Variants in GAB4 observed in about 807,000 individuals in gnomAD.
GAB4 encodes the protein GRB2-associated-binding protein 4.
In GAB4, 26 loss-of-function variants were observed where a neutral mutation model predicts 51.3. That is an observed-to-expected ratio of 0.51 (90% CI 0.37 to 0.70). The LOEUF (loss-of-function observed/expected upper bound fraction) is 0.70. Ranked by LOEUF, GAB4 falls within the 30% of genes least tolerant of loss-of-function variation. GAB4 has a pLI of 0.00. For synonymous variants in GAB4, 329 were observed against 291.2 expected, an observed-to-expected ratio of 1.13 and a Z score of -1.32; for missense variants, 759 against 734.6, an observed-to-expected ratio of 1.03 and a Z score of -0.38.
chr22:16,999,051 A>G (rs1366703910), intron 1 of GAB4, among the ~76,000 whole-genome samples: 1 of 152,184 alleles, frequency 6.6e-6, no homozygotes, highest in Non-Finnish European at 1.5e-5. Flanking sequence ...CCACTATTTT[A>G]TTGAGCATTT....
chr22:17,005,147 G>A lies in GAB4; in HGVS notation c.174+2794C>T, dbSNP rs186095829. Among the ~76,000 whole-genome samples, 697 of 152,316 alleles carry A rather than the reference G, an allele frequency of 4.6e-3. 10 individuals carry two copies. The highest frequency in any genetic ancestry group is 0.016 in the African/African-American group (648 of 41,576). On this transcript the variant is annotated intron_variant, in intron 1 of 9. Coordinates refer to ENST00000400588, the MANE Select transcript of GAB4 (RefSeq NM_001037814.1). ...CTCCTGAAGCTGGTAAGCAACTTCA[G>A]TAAAGTCTCAGGATACAAAATCCAT...
At chr22:17,007,802 T>C in intron 1 of GAB4, 139 bp downstream of exon 1, 1 of 717,504 alleles carries the variant, frequency 1.4e-6, no homozygotes, top group Non-Finnish European at 2.2e-6. Flanking sequence ...TGGCGGGGAG[T>C]CGCCTTCGCA....
intron 3 of GAB4, among the ~76,000 whole-genome samples, chr22:16,974,966 T>C (rs1266552442): frequency 1.3e-5 from 2 of 152,174 alleles, no homozygotes; most frequent in African/African-American, 2.4e-5. Flanking sequence ...CTGTGAGGAA[T>C]GGTGCATTCT....
chr22:16,993,195 T>C (rs562446931), intron 1 of GAB4, among the ~76,000 whole-genome samples: 1 of 152,194 alleles, frequency 6.6e-6, no homozygotes, highest in Non-Finnish European at 1.5e-5. Context: ...GATAAAAGAC[T>C]ACCCATGGTA....
rs147245949 is a variant in GAB4, at chr22:16,996,878, T to C, written c.175-4702A>G. Among the ~76,000 whole-genome samples, 3 of 145,224 alleles carry C rather than the reference T, an allele frequency of 2.1e-5. No homozygotes were observed. In the South Asian group the frequency reaches 6.7e-4, roughly 32 times the overall value. On this transcript the variant is annotated intron_variant, in intron 1 of 9. Transcript: ENST00000400588. ...AACCTGTGTCCAAGTGTTCTCATTGTTCAATTCCCACCTATGAGTGAGAAC... is the reference window on the plus strand; with the variant it reads ...AACCTGTGTCCAAGTGTTCTCATTGCTCAATTCCCACCTATGAGTGAGAAC...
At chr22:16,998,957 T>G (rs573048574) in intron 1 of GAB4, among the ~76,000 whole-genome samples, 7 of 152,352 alleles carry the variant, frequency 4.6e-5, no homozygotes, top group African/African-American at 1.4e-4. Context: ...GATGTGTGTA[T>G]GTTGAACCAG....
intron 1 of GAB4, among the ~76,000 whole-genome samples, chr22:17,004,662 T>C (rs573011985): frequency 6.6e-6 from 1 of 151,912 alleles, no homozygotes; most frequent in South Asian, 2.1e-4. Context: ...AAACTAAGTA[T>C]TGATGGAACG....
rs887158961 is a variant in GAB4, at chr22:16,968,295, C to T, written c.1023+3G>A. On this transcript the variant is annotated splice_donor_region_variant and intron_variant, in intron 5 of 9. Transcript: ENST00000400588. ...TGGGGACCCCTGGTTAAGCCATACT[C>T]ACCAGGAAAGAACAGACTCCCTCAT... 1 of 1,609,456 alleles carries T rather than the reference C, an allele frequency of 6.2e-7. No individual in the cohort carries two copies. The highest frequency in any genetic ancestry group is 8.5e-7 in the Non-Finnish European group (1 of 1,175,828).
chr22:16,962,539 C>T lies in GAB4; in HGVS notation c.*194G>A. The T allele has an allele frequency of 2.3e-6, 1 of 437,866 alleles. No homozygotes were observed. Among genetic ancestry groups the T allele is most frequent in the South Asian group, 7.0e-5 (1 of 14,314 alleles). The allele number at this position is 437,866 out of a possible 1,614,324, so 27.1% of individuals were successfully genotyped here. A position where few individuals can be genotyped will look rare whatever the true frequency, so the allele number is the denominator to read the frequency against. On this transcript the variant is annotated 3_prime_UTR_variant, in exon 10 of 10. Coordinates refer to ENST00000400588, the MANE Select transcript of GAB4 (RefSeq NM_001037814.1). ...TGAGGATGCTTGCTGGCAACTGCTC[C>T]TAGCAAGGGGGTGAAGGTGGGGACC... is the stretch of plus-strand genomic sequence containing the variant.
At position 16,970,319 on chromosome 22, in the gene GAB4, T is replaced by C. The variant is rs192168474; in HGVS notation, c.687-126A>G. ...ATGGAGAAAACACAGGAAGAGGAAT[T>C]GGGCAGACCTGAGGTTTGTCTAGTT... On this transcript the variant is annotated intron_variant, in intron 3 of 9. Transcript: ENST00000400588. 5 of 1,033,148 alleles carry C rather than the reference T, an allele frequency of 4.8e-6. No homozygotes were observed. In the Admixed American group the frequency reaches 9.4e-5, roughly 20 times the overall value. The allele number at this position is 1,033,148 out of a possible 1,614,324, so 64.0% of individuals were successfully genotyped here. A position where few individuals can be genotyped will look rare whatever the true frequency, so the allele number is the denominator to read the frequency against.
chr22:17,006,105 T>G (rs1164908873), intron 1 of GAB4, among the ~76,000 whole-genome samples: 1 of 152,118 alleles, frequency 6.6e-6, no homozygotes, highest in Non-Finnish European at 1.5e-5. Flanking sequence ...TGGCAGAAAT[T>G]TTTTCCAATC....
intron 3 of GAB4, among the ~76,000 whole-genome samples, chr22:16,982,417 C>T (rs2060833923): frequency 1.3e-5 from 2 of 152,036 alleles, no homozygotes; most frequent in Admixed American, 1.3e-4. Context: ...AGAAAGCAAT[C>T]CCATTTACAG....
chr22:16,962,987 G>T, intron 9 of GAB4, 111 bp from the exon 10 acceptor site: 1 of 1,014,612 alleles, frequency 9.9e-7, no homozygotes, highest in Non-Finnish European at 1.4e-6. Context: ...AGGAACCTCT[G>T]CCTCCTGCTC....
At chr22:17,007,421 G>C (rs572613110) in intron 1 of GAB4, among the ~76,000 whole-genome samples, 1 of 152,100 alleles carries the variant, frequency 6.6e-6, no homozygotes, top group Non-Finnish European at 1.5e-5. Flanking sequence ...GAGGAGGGAA[G>C]GGGAGCGAGC....
chr22:16,979,212 T>C (rs2060806391), intron 3 of GAB4, among the ~76,000 whole-genome samples: 1 of 152,188 alleles, frequency 6.6e-6, no homozygotes, highest in Admixed American at 6.5e-5. Flanking sequence ...ATAAAGGGTA[T>C]TCAATTTGGA....
intron 3 of GAB4, among the ~76,000 whole-genome samples, chr22:16,975,074 T>C (rs146903173): frequency 3.2e-3 from 490 of 152,296 alleles, no homozygotes; most frequent in African/African-American, 0.011. Context: ...AGCACAAAAC[T>C]GGGCAGCTTT....
chr22:16,987,898 G>A, intron 3 of GAB4, 62 bp downstream of exon 3: 1 of 1,254,218 alleles, frequency 8.0e-7, no homozygotes, highest in Non-Finnish European at 1.1e-6. Flanking sequence ...AAAAAATCAG[G>A]GACTGAATAG....
chr22:16,988,585 A>G (rs2060888646), intron 2 of GAB4, among the ~76,000 whole-genome samples: 1 of 152,158 alleles, frequency 6.6e-6, no homozygotes, highest in Admixed American at 6.5e-5. Context: ...CTGAAGCCGC[A>G]TTCTTGGAAA....
At position 16,966,575 on chromosome 22, in the gene GAB4, C is replaced by T. The variant is rs577987648; in HGVS notation, c.1024-211G>A. ...ACCCCATGGATGGGGCCCCTCTGGG[C>T]AGCCTCAGGGGTCAGACTTTGGAGC... On this transcript the variant is annotated intron_variant, in intron 5 of 9. Transcript: ENST00000400588. The T allele has an allele frequency of 3.7e-5, 21 of 568,554 alleles. No individual in the cohort carries two copies. The Middle Eastern group carries it at 1.8e-3, about 50-fold the overall frequency. The allele number at this position is 568,554 out of a possible 1,614,324, so 35.2% of individuals were successfully genotyped here. A position where few individuals can be genotyped will look rare whatever the true frequency, so the allele number is the denominator to read the frequency against.
Sources: allele counts gnomAD v4.1 joint callset (sites outside exome capture counted in the v4.1 genomes callset), GRCh38; gene constraint gnomAD v4.1.1; transcripts MANE v1.5; gene names NCBI Gene and HGNC (gene_info 2026-07-23, HGNC 2026-07-21).